The following RPTOR variants were observed in gnomAD, a reference collection of about 807,000 sequenced individuals.
RPTOR encodes the protein regulatory-associated protein of mTOR.
RPTOR carries 21 observed loss-of-function variants against 169.9 expected under a neutral mutation model. The observed-to-expected ratio is 0.12, with a 90% confidence interval of 0.09 to 0.18. RPTOR has a LOEUF of 0.18. Among genes scored for constraint, RPTOR ranks in the 10% least tolerant of loss-of-function variants. The pLI is 1.00. For missense variants in RPTOR, 1,133 were observed against 1,855.9 expected, an observed-to-expected ratio of 0.61 and a Z score of 7.16; for synonymous variants, 732 against 753.2, an observed-to-expected ratio of 0.97 and a Z score of 0.46.
At chr17:80,842,911 G>A (rs1020497977) in intron 10 of RPTOR, among the ~76,000 whole-genome samples, 2 of 152,052 alleles carry the variant, frequency 1.3e-5, no homozygotes, top group African/African-American at 4.8e-5. Flanking sequence ...TTGCACCAAG[G>A]GCCATGTTCA....
intron 7 of RPTOR, among the ~76,000 whole-genome samples, chr17:80,813,497 G>T (rs574399148): frequency 6.6e-6 from 1 of 152,256 alleles, no homozygotes; most frequent in South Asian, 2.1e-4. Context: ...AACTCATCAC[G>T]CTTTTGCACC....
intron 5 of RPTOR, among the ~76,000 whole-genome samples, chr17:80,739,455 G>A (rs866092764): frequency 2.0e-5 from 3 of 150,350 alleles, no homozygotes; most frequent in Non-Finnish European, 3.0e-5. Flanking sequence ...GATCACCTGT[G>A]TTGAAGTGTC....
At chr17:80,649,040 G>A (rs991761953) in intron 3 of RPTOR, among the ~76,000 whole-genome samples, 1 of 152,172 alleles carries the variant, frequency 6.6e-6, no homozygotes, top group South Asian at 2.1e-4. Flanking sequence ...GCCCAGTCTT[G>A]GTTATGTCTT....
chr17:80,799,505 C>A (rs1489683758), intron 7 of RPTOR, among the ~76,000 whole-genome samples: 1 of 152,224 alleles, frequency 6.6e-6, no homozygotes, highest in Non-Finnish European at 1.5e-5. Flanking sequence ...TGTCTCAACT[C>A]ACCACATGGA....
intron 7 of RPTOR, among the ~76,000 whole-genome samples, chr17:80,821,187 G>A (rs2143610497): frequency 6.6e-6 from 1 of 152,360 alleles, no homozygotes; most frequent in East Asian, 1.9e-4. Flanking sequence ...GGGAGGGTGA[G>A]GCGGGAGGAT....
chr17:80,679,355 A>G (rs34932625), intron 3 of RPTOR, among the ~76,000 whole-genome samples: 26,891 of 152,202 alleles, frequency 0.18, 3,805 homozygotes, highest in African/African-American at 0.39. Flanking sequence ...CGGCTGGCTC[A>G]GGCACAGGGC....
chr17:80,554,496 C>T (rs907387325), intron 1 of RPTOR, among the ~76,000 whole-genome samples: 3 of 152,010 alleles, frequency 2.0e-5, no homozygotes, highest in Admixed American at 6.6e-5. Context: ...GTAATCCCAG[C>T]ACTTTGGGAG....
chr17:80,778,538 T>C (rs559408566), intron 6 of RPTOR, among the ~76,000 whole-genome samples: 6 of 152,336 alleles, frequency 3.9e-5, no homozygotes, highest in African/African-American at 1.4e-4. Context: ...GATTAAAGAA[T>C]GGTCATTCTG....
chr17:80,783,304 T>C (rs2066959554), intron 6 of RPTOR, among the ~76,000 whole-genome samples: 1 of 152,212 alleles, frequency 6.6e-6, no homozygotes, highest in Non-Finnish European at 1.5e-5. Context: ...TACTTTTTAT[T>C]ATAGGACAGT....
At chr17:80,700,211 G>C (rs965935410) in intron 3 of RPTOR, among the ~76,000 whole-genome samples, 5 of 152,190 alleles carry the variant, frequency 3.3e-5, no homozygotes, top group Admixed American at 6.5e-5. Flanking sequence ...AGATCTTGCA[G>C]GGACTCGTAG....
rs1253756918 is a variant in RPTOR at position 80,845,643 on chromosome 17, G to C, written c.1213-830G>C. The stretch of plus-strand genomic sequence containing the variant: ...TCCCCACCCTCCGTGCCCCCAGCTG[G>C]GTCTTTCTCACCAGCGTCCTGTCCC... On this transcript the variant is annotated intron_variant, in intron 10 of 33. Coordinates refer to ENST00000306801, the MANE Select transcript of RPTOR (RefSeq NM_020761.3). The surrounding 1 kb of genome is among the most constrained non-coding windows in gnomAD (Gnocchi z 5.4). Among the ~76,000 whole-genome samples the C allele has an allele frequency of 6.6e-6, 1 of 151,940 alleles. No individual in the cohort carries two copies. Among genetic ancestry groups the C allele is most frequent in the Non-Finnish European group, 1.5e-5 (1 of 68,002 alleles).
intron 6 of RPTOR, among the ~76,000 whole-genome samples, chr17:80,787,410 CTTTA>C (rs1033521994): frequency 6.6e-6 from 1 of 152,142 alleles, no homozygotes; most frequent in African/African-American, 2.4e-5. Context: ...CAGCTTCTTC[CTTTA>C]TTTGTTTGTT....
At chr17:80,815,519 C>T (rs2067313593) in intron 7 of RPTOR, among the ~76,000 whole-genome samples, 1 of 152,244 alleles carries the variant, frequency 6.6e-6, no homozygotes, top group South Asian at 2.1e-4. Flanking sequence ...CCATCGGCAT[C>T]AGTGGGAGCA....
chr17:80,723,835 G>A (rs1384822948), intron 4 of RPTOR, among the ~76,000 whole-genome samples: 1 of 151,570 alleles, frequency 6.6e-6, no homozygotes, highest in Non-Finnish European at 1.5e-5. Flanking sequence ...GACTGGAATA[G>A]ACTAATCTTT....
chr17:80,702,702 C>A (rs1454333114), intron 3 of RPTOR, among the ~76,000 whole-genome samples: 4 of 152,184 alleles, frequency 2.6e-5, no homozygotes, highest in Admixed American at 2.6e-4. Context: ...CCGTTTTTCG[C>A]AGCCCCATGG....
chr17:80,560,421 G>A lies in RPTOR; in HGVS notation c.162+14630G>A, dbSNP rs535623227. Among the ~76,000 whole-genome samples, 75 of 152,336 alleles carry A rather than the reference G, an allele frequency of 4.9e-4. 3 individuals are homozygous for A. In the South Asian group the frequency reaches 0.015, roughly 30 times the overall value. On this transcript the variant is annotated intron_variant, in intron 1 of 33. Coordinates refer to ENST00000306801, the MANE Select transcript of RPTOR (RefSeq NM_020761.3). The stretch of plus-strand genomic sequence containing the variant: ...CTAAGTGCTGCGGATACCATGGGGA[G>A]TAATTCCTGCGTTGAAGGTGTTTTC...
chr17:80,889,548 ACAC>A (rs2068290532), intron 17 of RPTOR, among the ~76,000 whole-genome samples: 1 of 152,134 alleles, frequency 6.6e-6, no homozygotes, highest in African/African-American at 2.4e-5. Flanking sequence ...TCACATGACA[ACAC>A]CAGCCAAGCT....
chr17:80,881,780 C>T (rs1053219705), intron 14 of RPTOR, among the ~76,000 whole-genome samples: 1 of 152,246 alleles, frequency 6.6e-6, no homozygotes, highest in African/African-American at 2.4e-5. Context: ...TGTGACTGTA[C>T]AACTGCACTC....
intron 24 of RPTOR, among the ~76,000 whole-genome samples, chr17:80,927,598 CCG>C (rs2143995777): frequency 1.2e-5 from 1 of 83,360 alleles, no homozygotes; most frequent in Non-Finnish European, 2.4e-5. Context: ...ATGTGGAAGG[CCG>C]TGTGTGTGTC....
Sources: gnomAD v4.1 joint callset for allele counts (sites outside exome capture counted in the v4.1 genomes callset) on GRCh38, gnomAD v4.1.1 for gene constraint, Gnocchi (gnomAD v3.1) non-coding constraint, MANE v1.5 for transcripts, NCBI Gene and HGNC (gene_info 2026-07-23, HGNC 2026-07-21) for gene names.